CNTNAP2: variants seen among roughly 807,000 people sequenced by gnomAD.
CNTNAP2 encodes contactin-associated protein-like 2.
CNTNAP2 carries 98 observed loss-of-function variants against 155.2 expected under a neutral mutation model. The observed-to-expected ratio is 0.63, with a 90% confidence interval of 0.54 to 0.75. The LOEUF (loss-of-function observed/expected upper bound fraction) is 0.75. Among genes scored for constraint, CNTNAP2 ranks in the 30% least tolerant of loss-of-function variants. CNTNAP2 has a pLI of 0.00. For missense variants in CNTNAP2, 1,727 were observed against 1,688.1 expected (o/e 1.02, Z -0.40); for synonymous variants, 651 against 631.2 (o/e 1.03, Z -0.47).
intron 13 of CNTNAP2, among the ~76,000 whole-genome samples, chr7:147,695,724 C>T (rs191426835): frequency 6.6e-6 from 1 of 152,254 alleles, no homozygotes; most frequent in African/African-American, 2.4e-5. Context: ...ATCTCTTGAA[C>T]CCGGGAGGCG....
chr7:146,378,691 C>T (rs1362367608), intron 1 of CNTNAP2, among the ~76,000 whole-genome samples: 1 of 152,142 alleles, frequency 6.6e-6, no homozygotes, highest in Non-Finnish European at 1.5e-5. Flanking sequence ...TGATGGCATA[C>T]ATGTTACAAG....
chr7:148,043,977 C>T (rs904525215), intron 15 of CNTNAP2, among the ~76,000 whole-genome samples: 5 of 152,060 alleles, frequency 3.3e-5, no homozygotes, highest in Non-Finnish European at 5.9e-5. Context: ...CTTTGTAATT[C>T]GTAAATTATT....
At chr7:147,293,674 T>C (rs919118058) in intron 8 of CNTNAP2, among the ~76,000 whole-genome samples, 4 of 152,142 alleles carry the variant, frequency 2.6e-5, no homozygotes, top group Admixed American at 6.6e-5. Context: ...TTTTCTTTTT[T>C]CAACATTCAT....
chr7:147,455,225 C>T (rs888125677), intron 10 of CNTNAP2, among the ~76,000 whole-genome samples: 4 of 152,100 alleles, frequency 2.6e-5, no homozygotes, highest in Non-Finnish European at 5.9e-5. Context: ...CTCTCTTCAG[C>T]TTTTTATAGA....
chr7:148,300,189 C>G (rs1797357362), intron 21 of CNTNAP2, among the ~76,000 whole-genome samples: 1 of 152,184 alleles, frequency 6.6e-6, no homozygotes, highest in African/African-American at 2.4e-5. Flanking sequence ...CAAAGAAAAT[C>G]CTTGACATTG....
chr7:146,762,063 C>G (rs1802111612), intron 1 of CNTNAP2, among the ~76,000 whole-genome samples: 1 of 151,976 alleles, frequency 6.6e-6, no homozygotes. Flanking sequence ...AATTCATACC[C>G]AGGGGACTAA....
intron 15 of CNTNAP2, among the ~76,000 whole-genome samples, chr7:148,007,132 A>C (rs1801997007): frequency 6.6e-6 from 1 of 152,200 alleles, no homozygotes; most frequent in South Asian, 2.1e-4. Flanking sequence ...TACGCATTTC[A>C]TTATTGCATC....
At chr7:148,348,539 C>T (rs1349053851) in intron 21 of CNTNAP2, among the ~76,000 whole-genome samples, 2 of 152,108 alleles carry the variant, frequency 1.3e-5, no homozygotes, top group Non-Finnish European at 2.9e-5. Context: ...TGAGAGAGGC[C>T]AGGCCCTCAC....
At chr7:146,123,462 G>A (rs1170652040) in intron 1 of CNTNAP2, among the ~76,000 whole-genome samples, 1 of 152,110 alleles carries the variant, frequency 6.6e-6, no homozygotes, top group Non-Finnish European at 1.5e-5. Context: ...ATAGAGGTGT[G>A]ACTGGCATAC....
At chr7:146,353,658 C>T (rs912463904) in intron 1 of CNTNAP2, among the ~76,000 whole-genome samples, 14 of 152,068 alleles carry the variant, frequency 9.2e-5, no homozygotes, top group Non-Finnish European at 1.9e-4. Context: ...TAAATAAGAA[C>T]TAAGCATGAC....
intron 4 of CNTNAP2, among the ~76,000 whole-genome samples, chr7:147,089,058 C>T (rs1251626256): frequency 1.3e-5 from 2 of 151,978 alleles, no homozygotes; most frequent in Non-Finnish European, 2.9e-5. Context: ...ACTGCTTCTC[C>T]CAGCAATTTG....
chr7:146,547,255 A>C (rs1798043053), intron 1 of CNTNAP2, among the ~76,000 whole-genome samples: 1 of 152,006 alleles, frequency 6.6e-6, no homozygotes, highest in Non-Finnish European at 1.5e-5. Flanking sequence ...CTGTAAATTC[A>C]TGTGACCTGA....
intron 22 of CNTNAP2, among the ~76,000 whole-genome samples, chr7:148,397,073 T>G (rs552900623): frequency 6.6e-6 from 1 of 152,340 alleles, no homozygotes; most frequent in African/African-American, 2.4e-5. Context: ...TAATGCATGA[T>G]TTTGTTTTAT....
intron 21 of CNTNAP2, among the ~76,000 whole-genome samples, chr7:148,345,626 G>A (rs145552403): frequency 0.023 from 3,458 of 152,030 alleles, 45 homozygotes; most frequent in African/African-American, 0.043. Flanking sequence ...CTCGTGATTC[G>A]CCCATCTCGG....
At chr7:146,452,215 A>T (rs1314305898) in intron 1 of CNTNAP2, among the ~76,000 whole-genome samples, 1 of 151,914 alleles carries the variant, frequency 6.6e-6, no homozygotes, top group Non-Finnish European at 1.5e-5. Context: ...CCTCTTCTAT[A>T]TATTTTGTCT....
At chr7:146,651,379 T>C (rs1207683137) in intron 1 of CNTNAP2, among the ~76,000 whole-genome samples, 1 of 152,136 alleles carries the variant, frequency 6.6e-6, no homozygotes, top group Non-Finnish European at 1.5e-5. Flanking sequence ...CTCAACCTTG[T>C]TAGTAATTAG....
At chr7:146,329,198 G>T (rs911934493) in intron 1 of CNTNAP2, among the ~76,000 whole-genome samples, 2 of 152,114 alleles carry the variant, frequency 1.3e-5, no homozygotes, top group Admixed American at 6.5e-5. Context: ...ACAGGTGTGA[G>T]GTTCTATCAC....
chr7:148,030,104 G>C (rs1434850990), intron 15 of CNTNAP2, among the ~76,000 whole-genome samples: 1 of 152,152 alleles, frequency 6.6e-6, no homozygotes, highest in Non-Finnish European at 1.5e-5. Context: ...TAGTCTAGTT[G>C]TTGTATCTGT....
intron 9 of CNTNAP2, among the ~76,000 whole-genome samples, chr7:147,392,943 T>G (rs764952168): frequency 1.1e-4 from 17 of 152,088 alleles, no homozygotes; most frequent in Admixed American, 2.0e-4. Context: ...TGTTGCATTA[T>G]GTGTCACCTT....
Sources: gnomAD v4.1 joint callset for allele counts (sites outside exome capture counted in the v4.1 genomes callset) on GRCh38, gnomAD v4.1.1 for gene constraint, MANE v1.5 for transcripts, NCBI Gene and HGNC (gene_info 2026-07-23, HGNC 2026-07-21) for gene names.